LRP6: variants seen among roughly 807,000 people sequenced by gnomAD.
LRP6 encodes LDL receptor related protein 6.
In LRP6, 43 loss-of-function variants were observed where a neutral mutation model predicts 184.1. That is an observed-to-expected ratio of 0.23 (90% CI 0.18 to 0.30). The LOEUF is 0.30. Ranked by LOEUF, LRP6 falls within the 10% of genes least tolerant of loss-of-function variation. The pLI is 1.00. For synonymous variants in LRP6, 719 were observed against 684.9 expected (o/e 1.05, Z -0.78); for missense variants, 1,571 against 2,005.3 (o/e 0.78, Z 4.14).
intron 2 of LRP6, among the ~76,000 whole-genome samples, chr12:12,211,480 T>C (rs1459404936): frequency 6.6e-6 from 1 of 152,108 alleles, no homozygotes; most frequent in African/African-American, 2.4e-5. Context: ...ATAGACATGG[T>C]TTGGGACGGT....
At chr12:12,200,423 T>C (rs1863885142) in intron 3 of LRP6, among the ~76,000 whole-genome samples, 1 of 152,176 alleles carries the variant, frequency 6.6e-6, no homozygotes, top group South Asian at 2.1e-4. Flanking sequence ...GAGTAGGATC[T>C]ACCCGGGGGC....
rs564448608 is a variant in LRP6, at chr12:12,118,259, C to T, written c.*2867G>A. 3 of 152,308 alleles carry T rather than the reference C, an allele frequency of 2.0e-5. No homozygotes were observed. The highest frequency in any genetic ancestry group is 4.1e-4 in the South Asian group (2 of 4,830). The allele number at this position is 152,308 out of a possible 1,614,324, so 9.4% of individuals were successfully genotyped here. ...TATTATCTGACTTAAGCAAACAAAA[C>T]TCCTTAAGTCACTATTCAGAAGACC... On this transcript the variant is annotated 3_prime_UTR_variant, in exon 23 of 23. Transcript: ENST00000261349.
intron 5 of LRP6, among the ~76,000 whole-genome samples, chr12:12,183,455 T>A (rs557544412): frequency 5.3e-4 from 81 of 152,330 alleles, no homozygotes; most frequent in African/African-American, 1.8e-3. Flanking sequence ...ACAGGCAAAG[T>A]GTGTTTCTTA....
At position 12,174,286 on chromosome 12, in the gene LRP6, A is replaced by G. The variant is rs1352387050; in HGVS notation, c.1545+5524T>C. 3.9e-5 allele frequency among the ~76,000 whole-genome samples: 6 copies of G among 151,952 alleles called. No homozygotes were observed. The East Asian group carries it at 9.6e-4, about 24-fold the overall frequency. On this transcript the variant is annotated intron_variant, in intron 7 of 22. Transcript: ENST00000261349. ...GCCACCACGTTTGGCTAATTTTTGT[A>G]TTTTTAGTAGAGACGGGGTTTCACC...
intron 4 of LRP6, among the ~76,000 whole-genome samples, 155 bp from the exon 5 acceptor site, chr12:12,184,266 A>G (rs1257885914): frequency 1.3e-5 from 2 of 152,240 alleles, no homozygotes; most frequent in African/African-American, 4.8e-5. Flanking sequence ...GGAATTAATC[A>G]GTGTGAATTT....
intron 15 of LRP6, among the ~76,000 whole-genome samples, chr12:12,141,277 T>C (rs1391727777): frequency 1.3e-5 from 2 of 151,704 alleles, no homozygotes; most frequent in Admixed American, 1.3e-4. Context: ...TCTAGGACAT[T>C]GAGGGGAAAG....
intron 3 of LRP6, among the ~76,000 whole-genome samples, chr12:12,200,474 C>A (rs1304854491): frequency 6.6e-6 from 1 of 152,150 alleles, no homozygotes; most frequent in Non-Finnish European, 1.5e-5. Flanking sequence ...ACTGGTACTG[C>A]CACCATCTCC....
At position 12,221,604 on chromosome 12, in the gene LRP6, G is replaced by T. The variant is rs541588277; in HGVS notation, c.450-18204C>A. ...CAGAGATTCTGATTCAATTGGTCTG[G>T]GCTCGAACTCAGGAATCAATATTTT... is the stretch of plus-strand genomic sequence containing the variant. On this transcript the variant is annotated intron_variant, in intron 2 of 22. Transcript: ENST00000261349. 2.6e-5 allele frequency among the ~76,000 whole-genome samples: 4 copies of T among 152,194 alleles called. No homozygotes were observed. In the East Asian group the frequency reaches 7.7e-4, roughly 29 times the overall value.
rs150707608 is a variant in LRP6, at chr12:12,148,994, G to A, written c.3154C>T (p.Leu1052=). ...CGAGGTCTGTCCTGCTCGCCTTTCAGCACCACTCCAACTGATCTCCCATCT... is the reference window on the plus strand; with the variant it reads ...CGAGGTCTGTCCTGCTCGCCTTTCAACACCACTCCAACTGATCTCCCATCT... The part of the protein sequence containing the change: ...RLDGRSVGVV[L]KGEQDRPRAV... Residue 1052 remains leucine (L), a synonymous_variant, in exon 14 of 23, where the codon CTG becomes TTG. Coordinates refer to ENST00000261349, the MANE Select transcript of LRP6 (RefSeq NM_002336.3). 4.3e-6 allele frequency: 7 copies of A among 1,613,842 alleles called. No homozygotes were observed. In the African/African-American group the frequency reaches 5.3e-5, roughly 12 times the overall value.
chr12:12,263,179 C>T (rs1374689932), intron 1 of LRP6, among the ~76,000 whole-genome samples: 2 of 150,196 alleles, frequency 1.3e-5, no homozygotes, highest in African/African-American at 4.9e-5. Flanking sequence ...GTAGGAGTAT[C>T]GCTTGAACCC....
At chr12:12,145,053 A>C (rs1221700997) in intron 15 of LRP6, among the ~76,000 whole-genome samples, 1 of 152,160 alleles carries the variant, frequency 6.6e-6, no homozygotes, top group Non-Finnish European at 1.5e-5. Context: ...CCTAAAACTT[A>C]TAATTAAAAA....
chr12:12,171,112 T>C (rs1299660429), intron 7 of LRP6, among the ~76,000 whole-genome samples: 1 of 152,186 alleles, frequency 6.6e-6, no homozygotes, highest in African/African-American at 2.4e-5. Flanking sequence ...TCTACTCTGC[T>C]TTCTATACTC....
intron 7 of LRP6, among the ~76,000 whole-genome samples, chr12:12,169,684 T>G (rs1862980871): frequency 6.6e-6 from 1 of 152,204 alleles, no homozygotes; most frequent in South Asian, 2.1e-4. Flanking sequence ...AACTAATGAT[T>G]TGGTTGCTTT....
chr12:12,195,862 T>G (rs917504021), intron 3 of LRP6, among the ~76,000 whole-genome samples: 2 of 152,164 alleles, frequency 1.3e-5, no homozygotes, highest in African/African-American at 4.8e-5. Flanking sequence ...GAGTTGATTT[T>G]TGTATAAGGT....
intron 2 of LRP6, among the ~76,000 whole-genome samples, chr12:12,220,138 A>C (rs942285510): frequency 6.6e-6 from 1 of 152,124 alleles, no homozygotes; most frequent in East Asian, 1.9e-4. Context: ...AAATGCAAAA[A>C]TTAACCAGGT....
chr12:12,264,878 C>T (rs1329482021), intron 1 of LRP6, among the ~76,000 whole-genome samples: 2 of 152,170 alleles, frequency 1.3e-5, no homozygotes, highest in African/African-American at 2.4e-5. Context: ...CTAGTGGAAA[C>T]GAGACAATTT....
chr12:12,201,045 T>C (rs1444359999), intron 3 of LRP6, among the ~76,000 whole-genome samples: 1 of 152,202 alleles, frequency 6.6e-6, no homozygotes, highest in African/African-American at 2.4e-5. Flanking sequence ...TAAAATAATG[T>C]AGAGTTCAAG....
chr12:12,136,656 C>A lies in LRP6; in HGVS notation c.3608-1356G>T, dbSNP rs373517185. On this transcript the variant is annotated intron_variant, in intron 16 of 22. Coordinates refer to ENST00000261349, the MANE Select transcript of LRP6 (RefSeq NM_002336.3). ...CCATTTATTATTTGACTCTCTTCCA[C>A]AATAACATTGGTTCTGCTTCAGTTT... Among the ~76,000 whole-genome samples, 15 of 152,308 alleles carry A rather than the reference C, an allele frequency of 9.8e-5. No homozygotes were observed. The East Asian group carries it at 2.1e-3, about 22-fold the overall frequency.
Position 12,165,292 on chromosome 12 carries a change from T to C in LRP6, c.1549A>G (p.Met517Val). ...GDAKTDKIEV[M>V]NTDGTGRRVL... The stretch of plus-strand genomic sequence containing the variant: ...CGTCTCCCAGTGCCATCAGTATTCA[T>C]AACCTTCAGGTTTAAATTCAAAAGA... Residue 517 changes from methionine to valine, a missense_variant, in exon 8 of 23, where the codon ATG becomes GTG. Met to Val is a conservative substitution (Grantham distance 21, BLOSUM62 1). This residue lies in a region of LRP6 where 640 missense variants were observed against 851.9 expected (regional missense o/e 0.75). Coordinates refer to ENST00000261349, the MANE Select transcript of LRP6 (RefSeq NM_002336.3). The C allele has an allele frequency of 6.2e-7, 1 of 1,608,104 alleles. No homozygotes were observed. The highest frequency in any genetic ancestry group is 8.5e-7 in the Non-Finnish European group (1 of 1,174,856).
Sources: allele counts gnomAD v4.1 joint callset (sites outside exome capture counted in the v4.1 genomes callset), GRCh38; gene constraint gnomAD v4.1.1; regional missense constraint gnomAD v4.1.1; transcripts MANE v1.5; gene names NCBI Gene and HGNC (gene_info 2026-07-23, HGNC 2026-07-21).